DIAPH3: variants seen among roughly 807,000 people sequenced by gnomAD.
The protein encoded by DIAPH3 is protein diaphanous homolog 3.
DIAPH3 carries 117 observed loss-of-function variants against 144.3 expected under a neutral mutation model. The observed-to-expected ratio is 0.81, with a 90% confidence interval of 0.70 to 0.95. DIAPH3 has a LOEUF of 0.95. DIAPH3 is among the 40% of genes least tolerant of loss of function. DIAPH3 has a pLI of 0.00. For missense variants in DIAPH3, 1,421 were observed against 1,412.7 expected, an observed-to-expected ratio of 1.01 and a Z score of -0.09; for synonymous variants, 519 against 488.9, an observed-to-expected ratio of 1.06 and a Z score of -0.81.
intron 2 of DIAPH3, among the ~76,000 whole-genome samples, chr13:60,121,455 G>A (rs2058841947): frequency 6.6e-6 from 1 of 152,168 alleles, no homozygotes; most frequent in Non-Finnish European, 1.5e-5. Flanking sequence ...AATGCCTTCA[G>A]TGAATCAGTG....
intron 20 of DIAPH3, among the ~76,000 whole-genome samples, chr13:59,910,142 A>G (rs1014714544): frequency 6.6e-6 from 1 of 151,370 alleles, no homozygotes; most frequent in African/African-American, 2.4e-5. Context: ...TTGTAATTTT[A>G]TATATTATTT....
intron 27 of DIAPH3, among the ~76,000 whole-genome samples, chr13:59,687,215 A>G (rs1342460623): frequency 6.6e-6 from 1 of 152,136 alleles, no homozygotes; most frequent in East Asian, 1.9e-4. Context: ...TGCTGATTAC[A>G]GTCAAAGCTG....
chr13:59,747,723 A>G (rs745775495), intron 27 of DIAPH3, among the ~76,000 whole-genome samples: 1 of 152,164 alleles, frequency 6.6e-6, no homozygotes. Context: ...CAAGGGGGCA[A>G]TGTGTCAAAT....
intron 27 of DIAPH3, among the ~76,000 whole-genome samples, chr13:59,741,062 G>A (rs776586683): frequency 3.3e-5 from 5 of 152,146 alleles, no homozygotes; most frequent in South Asian, 2.1e-4. Flanking sequence ...AGCTGTTAAC[G>A]GATCATTTTT....
chr13:60,141,393 A>C (rs2059422902), intron 1 of DIAPH3, among the ~76,000 whole-genome samples: 1 of 152,194 alleles, frequency 6.6e-6, no homozygotes, highest in South Asian at 2.1e-4. Context: ...TCCCCTTACA[A>C]GCTTGCAACC....
At chr13:59,876,522 G>A (rs1419515337) in intron 21 of DIAPH3, among the ~76,000 whole-genome samples, 1 of 152,160 alleles carries the variant, frequency 6.6e-6, no homozygotes, top group Non-Finnish European at 1.5e-5. Flanking sequence ...ATCTCAATGA[G>A]AGGATGTCTA....
intron 4 of DIAPH3, among the ~76,000 whole-genome samples, chr13:60,086,460 A>G (rs2057750870): frequency 6.6e-6 from 1 of 152,190 alleles, no homozygotes; most frequent in African/African-American, 2.4e-5. Context: ...GTCAGCAAGT[A>G]AGACCTGGAA....
In DIAPH3 at chr13:59,850,181, C is replaced by A. The variant is rs377182156; in HGVS notation, c.2738-10733G>T. 3.6e-4 allele frequency among the ~76,000 whole-genome samples: 55 copies of A among 152,206 alleles called. No homozygotes were observed. In the East Asian group the frequency reaches 9.7e-3, roughly 27 times the overall value. On this transcript the variant is annotated intron_variant, in intron 22 of 27. Coordinates refer to ENST00000400324, the MANE Select transcript of DIAPH3 (RefSeq NM_001042517.2). The stretch of plus-strand genomic sequence containing the variant: ...TGTACATTGATTTTGTATCCTGAGA[C>A]TTTGCTGAAGTTGCTTCTCAGCTTA...
intron 27 of DIAPH3, among the ~76,000 whole-genome samples, chr13:59,736,299 T>C (rs117081361): frequency 0.023 from 3,442 of 152,324 alleles, 93 homozygotes; most frequent in East Asian, 0.12. Flanking sequence ...CCTTTGGATA[T>C]ATACCCAGTA....
intron 5 of DIAPH3, 137 bp downstream of exon 5, chr13:60,042,553 C>T: frequency 9.7e-7 from 1 of 1,035,230 alleles, no homozygotes; most frequent in Non-Finnish European, 1.4e-6. Context: ...TATATTTCTT[C>T]CTGCATATAA....
intron 27 of DIAPH3, among the ~76,000 whole-genome samples, chr13:59,723,770 C>G (rs1032062647): frequency 4.0e-5 from 6 of 151,076 alleles, no homozygotes; most frequent in Admixed American, 3.9e-4. Flanking sequence ...GCCACCGCAC[C>G]CAGCTAATTT....
intron 12 of DIAPH3, among the ~76,000 whole-genome samples, chr13:59,990,102 GT>G (rs1345346133): frequency 1.3e-5 from 2 of 151,614 alleles, no homozygotes; most frequent in Admixed American, 1.3e-4. Flanking sequence ...ATTTAAACTG[GT>G]TTATTTTTAA....
intron 27 of DIAPH3, among the ~76,000 whole-genome samples, chr13:59,686,960 C>T (rs186866820): frequency 7.2e-5 from 11 of 152,042 alleles, no homozygotes; most frequent in Non-Finnish European, 1.6e-4. Flanking sequence ...CATGGAGGTG[C>T]TAGGGGTTCA....
intron 25 of DIAPH3, among the ~76,000 whole-genome samples, chr13:59,787,817 G>C (rs2039116964): frequency 6.6e-6 from 1 of 152,118 alleles, no homozygotes; most frequent in African/African-American, 2.4e-5. Flanking sequence ...TAGGAGAAAG[G>C]GCTTTGGGAG....
At chr13:60,070,000 T>G (rs949605934) in intron 4 of DIAPH3, among the ~76,000 whole-genome samples, 1 of 152,196 alleles carries the variant, frequency 6.6e-6, no homozygotes, top group African/African-American at 2.4e-5. Context: ...ACATTTTTTT[T>G]TCTAATTCTG....
intron 8 of DIAPH3, among the ~76,000 whole-genome samples, chr13:60,009,488 G>A (rs2053104897): frequency 6.6e-6 from 1 of 152,128 alleles, no homozygotes; most frequent in Non-Finnish European, 1.5e-5. Flanking sequence ...AAGGGGAAAG[G>A]AAGAAAGTGG....
chr13:59,819,743 T>A (rs1456066413), intron 24 of DIAPH3, among the ~76,000 whole-genome samples: 2 of 136,478 alleles, frequency 1.5e-5, no homozygotes, highest in African/African-American at 5.3e-5. Flanking sequence ...AAGTATGACA[T>A]TTCATCACTT....
chr13:60,065,070 CA>C (rs1008381478), intron 4 of DIAPH3, among the ~76,000 whole-genome samples: 1 of 151,892 alleles, frequency 6.6e-6, no homozygotes, highest in African/African-American at 2.4e-5. Context: ...AAAGTAACAT[CA>C]AAGATCACTG....
At chr13:59,865,753 T>G (rs903288649) in intron 21 of DIAPH3, among the ~76,000 whole-genome samples, 2 of 151,936 alleles carry the variant, frequency 1.3e-5, no homozygotes, top group Non-Finnish European at 2.9e-5. Flanking sequence ...AGTGCAAGGT[T>G]TGGGGATATT....
Sources: allele counts gnomAD v4.1 joint callset (sites outside exome capture counted in the v4.1 genomes callset), GRCh38; gene constraint gnomAD v4.1.1; transcripts MANE v1.5; gene names NCBI Gene and HGNC (gene_info 2026-07-23, HGNC 2026-07-21).